Variants in CTNNA2 observed in about 807,000 individuals in gnomAD.
CTNNA2 encodes the protein catenin alpha-2.
Under a neutral mutation model 101.0 loss-of-function variants are expected in CTNNA2, and 42 were observed. The ratio of observed to expected loss-of-function variants is 0.42; its 90% CI spans 0.32 to 0.54. CTNNA2 has a LOEUF of 0.54. Ranked by LOEUF, CTNNA2 falls within the 20% of genes least tolerant of loss-of-function variation. CTNNA2 has a pLI of 0.14. For missense variants in CTNNA2, 871 were observed against 1,223.1 expected (o/e 0.71, Z 4.29); for synonymous variants, 450 against 456.4 (o/e 0.99, Z 0.18).
At chr2:80,256,665 A>G (rs1672182842) in intron 7 of CTNNA2, among the ~76,000 whole-genome samples, 1 of 152,122 alleles carries the variant, frequency 6.6e-6, no homozygotes, top group Non-Finnish European at 1.5e-5. Context: ...ACTTCAGTAA[A>G]GCAGAATCCC....
chr2:80,304,584 T>C (rs1676721855), intron 7 of CTNNA2: 1 of 151,810 alleles, frequency 6.6e-6, no homozygotes, highest in Admixed American at 6.6e-5. Flanking sequence ...CCCGGGCAGC[T>C]GCAGAGAGCG....
intron 7 of CTNNA2, among the ~76,000 whole-genome samples, chr2:80,002,572 G>A (rs1269175903): frequency 1.3e-5 from 2 of 152,076 alleles, no homozygotes; most frequent in Non-Finnish European, 2.9e-5. Flanking sequence ...AGGAGAGGGA[G>A]GGGGCAGGGA....
chr2:80,029,526 C>G (rs1214904186), intron 7 of CTNNA2: 2 of 151,766 alleles, frequency 1.3e-5, no homozygotes, highest in Non-Finnish European at 1.5e-5. Context: ...AGTTAATTAA[C>G]ATTTAGGACC....
chr2:80,530,145 G>T (rs11679337), intron 9 of CTNNA2, among the ~76,000 whole-genome samples: 22,844 of 151,996 alleles, frequency 0.15, 2,054 homozygotes, highest in Middle Eastern at 0.27. Flanking sequence ...TTACTCGAAG[G>T]TCACCTTGGA....
At chr2:79,800,919 G>A (rs183826526) in intron 3 of CTNNA2, among the ~76,000 whole-genome samples, 2 of 152,156 alleles carry the variant, frequency 1.3e-5, no homozygotes, top group Non-Finnish European at 2.9e-5. Context: ...TTACTGAAAA[G>A]AACTGGTCCT....
intron 8 of CTNNA2, among the ~76,000 whole-genome samples, chr2:80,403,650 G>A (rs1037687372): frequency 6.6e-6 from 1 of 152,094 alleles, no homozygotes; most frequent in South Asian, 2.1e-4. Flanking sequence ...TGCACATATG[G>A]TGCCACTTTT....
At chr2:79,215,869 A>G (rs1266293446) in intron 2 of CTNNA2, among the ~76,000 whole-genome samples, 8 of 152,120 alleles carry the variant, frequency 5.3e-5, no homozygotes, top group South Asian at 2.1e-4. Context: ...AGGAAGAATT[A>G]TGACCTAGCT....
intron 9 of CTNNA2, among the ~76,000 whole-genome samples, chr2:80,509,593 T>C (rs13422254): frequency 3.7e-4 from 57 of 152,272 alleles, no homozygotes; most frequent in African/African-American, 1.4e-3. Context: ...CCTGAAAACC[T>C]TGGGGTCCGT....
chr2:79,253,351 G>T (rs527682351), intron 2 of CTNNA2, among the ~76,000 whole-genome samples: 42 of 152,334 alleles, frequency 2.8e-4, no homozygotes, highest in African/African-American at 8.9e-4. Context: ...TTATGTATTT[G>T]TGCAAATTCT....
intron 2 of CTNNA2, among the ~76,000 whole-genome samples, chr2:79,727,381 A>G (rs552311574): frequency 5.9e-5 from 9 of 152,120 alleles, no homozygotes; most frequent in Non-Finnish European, 1.3e-4. Context: ...ACTCCCTGTA[A>G]ACCCCAGAAT....
chr2:79,497,613 C>A (rs1015442011), intron 4 of CTNNA2, among the ~76,000 whole-genome samples: 1 of 152,160 alleles, frequency 6.6e-6, no homozygotes, highest in African/African-American at 2.4e-5. Flanking sequence ...CCCATGTCCA[C>A]TAATTCTTCT....
chr2:80,017,436 A>G (rs1350576223), intron 7 of CTNNA2, among the ~76,000 whole-genome samples: 1 of 151,792 alleles, frequency 6.6e-6, no homozygotes, highest in Admixed American at 6.6e-5. Flanking sequence ...ACATTGAGAT[A>G]TATATACGTG....
At chr2:79,380,757 C>T (rs1417853994) in intron 4 of CTNNA2, among the ~76,000 whole-genome samples, 1 of 152,100 alleles carries the variant, frequency 6.6e-6, no homozygotes, top group Non-Finnish European at 1.5e-5. Flanking sequence ...TAGAAGGTGG[C>T]TTTTAACATT....
chr2:79,874,089 C>G lies in CTNNA2; in HGVS notation c.599C>G (p.Pro200Arg). Reference protein sequence around the residue: ...AARRQQELKDPHCRDEMAAAR... With the variant: ...AARRQQELKDRHCRDEMAAAR... ...TTACACACACAGGAGCTGAAGGATC[C>G]TCACTGTCGGGATGAGATGGCAGCC... The change falls in exon 6 of 19, where the codon CCT becomes CGT. Residue 200 changes from proline to arginine, a missense_variant. Pro to Arg is a moderately radical substitution (Grantham distance 103). Coordinates refer to ENST00000402739, the MANE Select transcript of CTNNA2 (RefSeq NM_001282597.3). The G allele has an allele frequency of 6.2e-7, 1 of 1,614,146 alleles. No homozygotes were observed. Among genetic ancestry groups the G allele is most frequent in the Non-Finnish European group, 8.5e-7 (1 of 1,180,026 alleles).
At chr2:79,621,924 A>G (rs770471466) in intron 1 of CTNNA2, among the ~76,000 whole-genome samples, 1 of 152,208 alleles carries the variant, frequency 6.6e-6, no homozygotes, top group Non-Finnish European at 1.5e-5. Context: ...TTTACAAAAT[A>G]CCTGATGAGT....
At chr2:79,661,978 T>G in intron 2 of CTNNA2, among the ~76,000 whole-genome samples, 1 of 151,566 alleles carries the variant, frequency 6.6e-6, no homozygotes, top group East Asian at 2.0e-4. Flanking sequence ...ACATTAACCA[T>G]GGAGAATGTG....
intron 7 of CTNNA2, among the ~76,000 whole-genome samples, chr2:80,039,603 G>C (rs961426477): frequency 1.3e-5 from 2 of 152,196 alleles, no homozygotes; most frequent in African/African-American, 2.4e-5. Flanking sequence ...TCCAGTGGGG[G>C]TGGTTCTAAG....
intron 7 of CTNNA2, among the ~76,000 whole-genome samples, chr2:80,043,123 T>TCTCTC: frequency 6.1e-5 from 1 of 16,442 alleles, no homozygotes; most frequent in Non-Finnish European, 1.3e-4. Context: ...TTCTTTCTCC[T>TCTCTC]TCCTTCCTTC....
intron 2 of CTNNA2, among the ~76,000 whole-genome samples, chr2:79,299,650 G>A (rs1002246749): frequency 5.3e-5 from 8 of 152,068 alleles, no homozygotes; most frequent in Non-Finnish European, 7.4e-5. Flanking sequence ...TAGTAACTGA[G>A]TCTTCGGGTT....
Sources: gnomAD v4.1 joint callset for allele counts (sites outside exome capture counted in the v4.1 genomes callset) on GRCh38, gnomAD v4.1.1 for gene constraint, MANE v1.5 for transcripts, NCBI Gene and HGNC (gene_info 2026-07-23, HGNC 2026-07-21) for gene names.